Variants in UMOD observed in about 807,000 individuals in gnomAD.
UMOD encodes the protein uromodulin, also known as Tamm-Horsfall urinary glycoprotein.
A neutral mutation model predicts 66.0 loss-of-function variants in UMOD; 64 were observed. The observed-to-expected ratio is 0.97, with a 90% CI of 0.79 to 1.19. The LOEUF is 1.19. Among genes scored for constraint, UMOD ranks in the 50% most tolerant of loss-of-function variants. The pLI is 0.00. For synonymous variants in UMOD, 398 were observed against 352.7 expected (o/e 1.13, Z -1.44); for missense variants, 764 against 850.9 (o/e 0.90, Z 1.27).
chr16:20,345,070 G>A (rs957592058), intron 5 of UMOD, among the ~76,000 whole-genome samples: 9 of 152,208 alleles, frequency 5.9e-5, no homozygotes, highest in Non-Finnish European at 1.5e-5. Context: ...CTGGAGTGCA[G>A]TGGTGCAATC....
chr16:20,346,883 GAGAAAGAAAGAA>G (rs147502738), intron 4 of UMOD, among the ~76,000 whole-genome samples: 46 of 151,310 alleles, frequency 3.0e-4, no homozygotes, highest in South Asian at 1.0e-3. Flanking sequence ...AAAAGAAAGA[GAGAAAGAAAGAA>G]AGAAAGAAAG....
chr16:20,336,107 T>C (rs529147866), intron 9 of UMOD, among the ~76,000 whole-genome samples: 2 of 152,360 alleles, frequency 1.3e-5, no homozygotes, highest in South Asian at 4.1e-4. Context: ...TTAGGAGTCA[T>C]GCAGCTGGAA....
At chr16:20,339,870 T>C (rs1360291800) in intron 7 of UMOD, among the ~76,000 whole-genome samples, 3 of 152,204 alleles carry the variant, frequency 2.0e-5, no homozygotes, top group African/African-American at 7.2e-5. Flanking sequence ...CAAAATATCT[T>C]TTCAACTTAT....
rs745885627 is a variant in UMOD at position 20,350,728 on chromosome 16, G to A, written c.10C>T (p.Pro4Ser). The change falls in exon 2 of 11, where the codon CCA (proline) becomes TCA (serine). Residue 4 changes from proline to serine, a missense_variant. Pro to Ser is a moderately conservative substitution (Grantham distance 74). Coordinates refer to ENST00000396138, the MANE Select transcript of UMOD (RefSeq NM_003361.4). ...ACCATCAGCATCCAAGTCAGAGATG[G>A]CTGCCCCATCCTTTCTGCTCTTCCC... MGQPSLTWMLMVVV... is the reference protein window; with the variant it reads MGQSSLTWMLMVVV... 3.7e-6 allele frequency: 6 copies of A among 1,614,152 alleles called. No individual in the cohort carries two copies. The highest frequency in any genetic ancestry group is 5.1e-6 in the Non-Finnish European group (6 of 1,180,012).
chr16:20,339,354 T>C (rs1297847766), intron 7 of UMOD, among the ~76,000 whole-genome samples: 2 of 152,274 alleles, frequency 1.3e-5, no homozygotes, highest in East Asian at 1.9e-4. Context: ...AATCCACTTG[T>C]ATTTTTTACT....
intron 7 of UMOD, 143 bp downstream of exon 7, chr16:20,340,948 C>T: frequency 5.4e-6 from 5 of 921,352 alleles, no homozygotes; most frequent in East Asian, 2.7e-5. Flanking sequence ...GAGCCGAGGT[C>T]ACACCATTGC....
chr16:20,341,049 G>T, intron 7 of UMOD, 42 bp downstream of exon 7: 1 of 1,568,764 alleles, frequency 6.4e-7, no homozygotes, highest in Non-Finnish European at 8.7e-7. Context: ...GACCCCCTCT[G>T]AATTCTACCC....
chr16:20,341,016 A>G lies in UMOD; in HGVS notation c.1577+75T>C, dbSNP rs373574563. Reference sequence around the variant, plus strand: ...CAAAAAAAAAAAAAAAAAAGATGCAATTTTCCTCCATCCAAGTCCAAAGAC... The same window carrying G: ...CAAAAAAAAAAAAAAAAAAGATGCAGTTTTCCTCCATCCAAGTCCAAAGAC... On this transcript the variant is annotated intron_variant, in intron 7 of 10. Transcript: ENST00000396138. 2.3e-4 allele frequency: 338 copies of G among 1,445,184 alleles called. 7 individuals are homozygous for G. In the East Asian group the frequency reaches 3.5e-3, roughly 15 times the overall value. 89.5% of individuals were successfully genotyped at this position (1,445,184 alleles called of 1,614,324 possible).
In UMOD at chr16:20,344,170, C is replaced by A; in HGVS notation, c.1185G>T (p.Arg395Ser). The A allele has an allele frequency of 6.2e-7, 1 of 1,611,308 alleles. No individual in the cohort carries two copies. The highest frequency in any genetic ancestry group is 8.5e-7 in the Non-Finnish European group (1 of 1,178,488). Residue 395 changes from arginine to serine, a missense_variant and splice_region_variant, in exon 6 of 11, where the codon AGG becomes AGT. By Grantham distance (110) the Arg-to-Ser change is moderately radical. Transcript: ENST00000396138. ...RDGPCGTVLT[R>S]NETHATYSNT... The stretch of plus-strand genomic sequence containing the variant: ...TGCTGTAAGTGGCATGGGTTTCATT[C>A]CTCTGTTGCAGGGAATGGGGGTGGA...
At chr16:20,355,884 G>C (rs1966023235), upstream of UMOD, among the ~76,000 whole-genome samples, 1 of 152,124 alleles carries the variant, frequency 6.6e-6, no homozygotes, top group Admixed American at 6.5e-5. Context: ...GTTCAGAGAG[G>C]TGGAGTAACT....
At chr16:20,334,746 G>A (rs990045774) in intron 10 of UMOD, among the ~76,000 whole-genome samples, 1 of 152,134 alleles carries the variant, frequency 6.6e-6, no homozygotes, top group Non-Finnish European at 1.5e-5. Context: ...CAAAGAAGCA[G>A]AGAAGTGGGG....
At chr16:20,354,337 T>C (rs996877700), upstream of UMOD, among the ~76,000 whole-genome samples, 3 of 152,188 alleles carry the variant, frequency 2.0e-5, no homozygotes, top group Admixed American at 2.0e-4. Context: ...GTAGGAATAT[T>C]GACTCCTCTT....
At chr16:20,350,025 T>C (rs941290246) in intron 2 of UMOD, among the ~76,000 whole-genome samples, 1 of 152,202 alleles carries the variant, frequency 6.6e-6, no homozygotes, top group African/African-American at 2.4e-5. Context: ...ATCCTTATTT[T>C]AAAGATGAGG....
rs369654373 is a variant in UMOD, at chr16:20,342,870, C to T, written c.1331+1154G>A. On this transcript the variant is annotated intron_variant, in intron 6 of 10. Coordinates refer to ENST00000396138, the MANE Select transcript of UMOD (RefSeq NM_003361.4). ...CTTGGCAGGGCACGGTGGCTCACAC[C>T]TATAATCCCAGCACTTTGGGAGGCC... Among the ~76,000 whole-genome samples, 48 of 152,270 alleles carry T rather than the reference C, an allele frequency of 3.2e-4. No homozygotes were observed. In the South Asian group the frequency reaches 8.9e-3, roughly 28 times the overall value.
chr16:20,352,704 TAG>T lies in UMOD; in HGVS notation c.-120_-119del. 2.4e-6 allele frequency: 3 copies of T among 1,231,544 alleles called. No homozygotes were observed. The South Asian group carries it at 1.2e-4, about 51-fold the overall frequency. The allele number at this position is 1,231,544 out of a possible 1,614,324, so 76.3% of individuals were successfully genotyped here. On this transcript the variant is annotated 5_prime_UTR_variant, in exon 1 of 11. Transcript: ENST00000396138. Reference sequence around the variant, plus strand: ...ATAGCCTTACCTGAAGCCAGAAAGGTAGAGTTAGTCTGGTCATGATGTGCCTC... The same window carrying T: ...ATAGCCTTACCTGAAGCCAGAAAGGTAGTTAGTCTGGTCATGATGTGCCTC...
intron 5 of UMOD, among the ~76,000 whole-genome samples, chr16:20,345,742 T>C (rs1965545050): frequency 6.6e-6 from 1 of 152,006 alleles, no homozygotes; most frequent in African/African-American, 2.4e-5. Context: ...AGACCTTGCC[T>C]TCCAGGACCA....
intron 5 of UMOD, among the ~76,000 whole-genome samples, chr16:20,344,622 A>G (rs1194498224): frequency 6.7e-6 from 1 of 149,926 alleles, no homozygotes; most frequent in Non-Finnish European, 1.5e-5. Context: ...AAAAAATCCC[A>G]CAACAGTTAA....
chr16:20,336,672 A>G lies in UMOD; in HGVS notation c.1796T>C (p.Leu599Pro). 1 of 1,614,094 alleles carries G rather than the reference A, an allele frequency of 6.2e-7. No homozygotes were observed. The highest frequency in any genetic ancestry group is 2.2e-5 in the East Asian group (1 of 44,878). ...TTTCCGTGTGATGGGACCCAAGTTC[A>G]GGACACGGGATTGATCTATGACACT... ...SGSVIDQSRV[L>P]NLGPITRKGV... The change falls in exon 9 of 11, where the codon CTG becomes CCG. Residue 599 changes from leucine (L) to proline (P), a missense_variant. Coordinates refer to ENST00000396138, the MANE Select transcript of UMOD (RefSeq NM_003361.4).
upstream of UMOD, chr16:20,352,757 A>G (rs1965957018): frequency 8.1e-7 from 1 of 1,231,432 alleles, no homozygotes; most frequent in Non-Finnish European, 1.0e-6. Context: ...CATTTGCCCC[A>G]GGCTGGCAAT....
Sources: allele counts gnomAD v4.1 joint callset (sites outside exome capture counted in the v4.1 genomes callset), GRCh38; gene constraint gnomAD v4.1.1; transcripts MANE v1.5; gene names NCBI Gene and HGNC (gene_info 2026-07-23, HGNC 2026-07-21).